The following UBXN4 variants were observed in gnomAD, a reference collection of about 807,000 sequenced individuals.
UBXN4 encodes UBX domain protein 4, also known as UBX domain-containing protein 4.
Under a neutral mutation model 66.2 loss-of-function variants are expected in UBXN4, and 35 were observed. The ratio of observed to expected loss-of-function variants is 0.53; its 90% confidence interval spans 0.40 to 0.70. UBXN4 has a LOEUF of 0.70. UBXN4 is among the 30% of genes least tolerant of loss of function. The pLI, the probability that UBXN4 is intolerant of heterozygous loss-of-function variation, is 0.00. For synonymous variants in UBXN4, 203 were observed against 204.5 expected (o/e 0.99, Z 0.06); for missense variants, 533 against 599.8 (o/e 0.89, Z 1.16).
chr2:135,780,312 C>T lies in UBXN4; in HGVS notation c.1315C>T (p.Pro439Ser), dbSNP rs1276256090. The T allele has an allele frequency of 2.5e-6, 4 of 1,614,170 alleles. No individual in the cohort carries two copies. The highest frequency in any genetic ancestry group is 1.1e-5 in the South Asian group (1 of 91,076). Residue 439 changes from proline to serine, a missense_variant, in exon 12 of 13, where the codon CCC becomes TCC. Coordinates refer to ENST00000272638, the MANE Select transcript of UBXN4 (RefSeq NM_014607.4). ...ISNFLFSNPP[P>S]TQTSVRVTSS... ...CAATTTCTTGTTTAGTAATCCGCCT[C>T]CCACACAGACTTCAGTGAGAGTAAC...
At chr2:135,753,481 T>A in intron 2 of UBXN4, 58 bp from the exon 3 acceptor site, 1 of 1,429,100 alleles carries the variant, frequency 7.0e-7, no homozygotes, top group Non-Finnish European at 9.3e-7. Flanking sequence ...TTAAAACAAC[T>A]CAGTATTTAG....
At position 135,760,340 on chromosome 2, in the gene UBXN4, A is replaced by G. The variant is rs957967420; in HGVS notation, c.509-1478A>G. Among the ~76,000 whole-genome samples the G allele has an allele frequency of 3.9e-5, 6 of 152,196 alleles. No homozygotes were observed. In the Middle Eastern group the frequency reaches 0.01, roughly 259 times the overall value. On this transcript the variant is annotated intron_variant, in intron 5 of 12. Coordinates refer to ENST00000272638, the MANE Select transcript of UBXN4 (RefSeq NM_014607.4). ...CAGCTACTAGGGAGGGTGAAGTAGG[A>G]AGATGGCTTGATCCCAGGAGGCGGA...
chr2:135,780,099 CA>C, intron 11 of UBXN4, 83 bp from the exon 12 acceptor site: 1 of 1,358,090 alleles, frequency 7.4e-7, no homozygotes, highest in Non-Finnish European at 1.0e-6. Context: ...CCTCCTTTTC[CA>C]GATAAAAGTT....
chr2:135,771,964 G>A (rs190955925), intron 8 of UBXN4, among the ~76,000 whole-genome samples: 9 of 152,194 alleles, frequency 5.9e-5, no homozygotes, highest in Admixed American at 2.0e-4. Context: ...TCTGGTCTCC[G>A]ACAGTTGATA....
At chr2:135,773,401 C>G (rs2077395135) in intron 9 of UBXN4, among the ~76,000 whole-genome samples, 1 of 152,166 alleles carries the variant, frequency 6.6e-6, no homozygotes, top group South Asian at 2.1e-4. Context: ...ATTCACGATC[C>G]CAGACAGAAG....
chr2:135,773,985 C>T (rs562972990), intron 9 of UBXN4, among the ~76,000 whole-genome samples: 3 of 152,296 alleles, frequency 2.0e-5, no homozygotes, highest in African/African-American at 7.2e-5. Flanking sequence ...AGATTCAACA[C>T]TCCTATCAAA....
intron 1 of UBXN4, chr2:135,747,749 C>T (rs2077218221): frequency 2.2e-6 from 1 of 453,660 alleles, no homozygotes; most frequent in Non-Finnish European, 4.4e-6. Flanking sequence ...ATTCTCCTGC[C>T]TCAGCCTCCT....
At chr2:135,768,959 C>T (rs764326091) in intron 6 of UBXN4, among the ~76,000 whole-genome samples, 3 of 152,056 alleles carry the variant, frequency 2.0e-5, no homozygotes, top group East Asian at 1.9e-4. Flanking sequence ...GCCTCAGCCT[C>T]CTGCAGTGCT....
intron 6 of UBXN4, among the ~76,000 whole-genome samples, chr2:135,765,033 C>T (rs1293186146): frequency 1.3e-5 from 2 of 152,196 alleles, no homozygotes; most frequent in South Asian, 2.1e-4. Flanking sequence ...AGGCTGGTCT[C>T]GAACTCCTGG....
rs767752664 is a variant in UBXN4, at chr2:135,754,287, A to G, written c.333+10A>G. 1 of 1,598,314 alleles carries G rather than the reference A, an allele frequency of 6.3e-7. No homozygotes were observed. The highest frequency in any genetic ancestry group is 8.6e-7 in the Non-Finnish European group (1 of 1,167,092). On this transcript the variant is annotated intron_variant, in intron 4 of 12. Coordinates refer to ENST00000272638, the MANE Select transcript of UBXN4 (RefSeq NM_014607.4). ...TCACAAGGTCCGACAGGTAAGAAGGAACAGAACTGTTGTTTCCGTAAATGG... is the reference window on the plus strand; with the variant it reads ...TCACAAGGTCCGACAGGTAAGAAGGGACAGAACTGTTGTTTCCGTAAATGG...
chr2:135,748,117 T>C, intron 1 of UBXN4, 150 bp from the exon 2 acceptor site: 1 of 499,710 alleles, frequency 2.0e-6, no homozygotes, highest in Non-Finnish European at 3.4e-6. Context: ...CAGTCACACT[T>C]TTCATTTAGT....
intron 5 of UBXN4, among the ~76,000 whole-genome samples, chr2:135,759,080 A>G (rs888025591): frequency 6.6e-6 from 1 of 152,174 alleles, no homozygotes; most frequent in Non-Finnish European, 1.5e-5. Context: ...AATTATGGAA[A>G]TTTGCAAGCA....
Position 135,772,409 on chromosome 2 carries a change from A to G in UBXN4, c.823-11A>G. ...CAGTAAAGGTAATTGGTATTTAATG[A>G]TGTTTTAAAGGACCGTGCAGAGAGA... On this transcript the variant is annotated splice_polypyrimidine_tract_variant and intron_variant, in intron 8 of 12. Transcript: ENST00000272638. 1 of 1,612,462 alleles carries G rather than the reference A, an allele frequency of 6.2e-7. No individual in the cohort carries two copies. The highest frequency in any genetic ancestry group is 8.5e-7 in the Non-Finnish European group (1 of 1,178,830).
intron 8 of UBXN4, among the ~76,000 whole-genome samples, chr2:135,772,164 GA>G (rs1425603642): frequency 6.6e-6 from 1 of 150,992 alleles, no homozygotes; most frequent in Non-Finnish European, 1.5e-5. Flanking sequence ...TACAAGAAAA[GA>G]AAAAAAATTA....
rs368646522 is a variant in UBXN4 at position 135,776,851 on chromosome 2, C to T, written c.1053+500C>T. On this transcript the variant is annotated intron_variant, in intron 10 of 12. Transcript: ENST00000272638. Reference sequence around the variant, plus strand: ...TCAAGCATTCCTCCCACCTCAGCCTCGCAGTGCGTTGGGATTACAGGCGTG... The same window carrying T: ...TCAAGCATTCCTCCCACCTCAGCCTTGCAGTGCGTTGGGATTACAGGCGTG... 5.9e-5 allele frequency among the ~76,000 whole-genome samples: 9 copies of T among 152,200 alleles called. No individual in the cohort carries two copies. In the East Asian group the frequency reaches 9.6e-4, roughly 16 times the overall value.
intron 12 of UBXN4, among the ~76,000 whole-genome samples, chr2:135,780,894 TTC>T (rs1391878039): frequency 6.6e-6 from 1 of 152,200 alleles, no homozygotes; most frequent in Admixed American, 6.5e-5. Flanking sequence ...GCTTTGAAAA[TTC>T]TCTCTCAGAG....
chr2:135,750,486 A>T (rs1052814187), intron 2 of UBXN4, among the ~76,000 whole-genome samples: 1 of 152,104 alleles, frequency 6.6e-6, no homozygotes, highest in Admixed American at 6.6e-5. Flanking sequence ...AGCCTGGGCA[A>T]CAGAGCAAGA....
intron 11 of UBXN4, among the ~76,000 whole-genome samples, chr2:135,779,362 G>C (rs1337663712): frequency 6.6e-6 from 1 of 152,168 alleles, no homozygotes; most frequent in African/African-American, 2.4e-5. Context: ...AAGAAATGCA[G>C]ATTATCTGTC....
At chr2:135,772,318 G>A in intron 8 of UBXN4, 102 bp from the exon 9 acceptor site, 3 of 1,403,624 alleles carry the variant, frequency 2.1e-6, no homozygotes, top group South Asian at 1.3e-5. Flanking sequence ...GCAAGACCCT[G>A]TCTCTTAATA....
Sources: gnomAD v4.1 joint callset for allele counts (sites outside exome capture counted in the v4.1 genomes callset) on GRCh38, gnomAD v4.1.1 for gene constraint, MANE v1.5 for transcripts, NCBI Gene and HGNC (gene_info 2026-07-23, HGNC 2026-07-21) for gene names.